The following DPP10 variants were observed in gnomAD, a reference collection of about 807,000 sequenced individuals.
DPP10 encodes the protein dipeptidyl peptidase like 10, also known as inactive dipeptidyl peptidase 10.
Under a neutral mutation model 120.9 loss-of-function variants are expected in DPP10, and 33 were observed. That is an observed-to-expected ratio of 0.27 (90% confidence interval 0.21 to 0.37). The LOEUF is 0.37. DPP10 is among the 10% of genes least tolerant of loss of function. DPP10 has a pLI of 1.00. For synonymous variants in DPP10, 337 were observed against 326.1 expected (o/e 1.03, Z -0.36); for missense variants, 816 against 942.8 (o/e 0.87, Z 1.76).
intron 1 of DPP10, among the ~76,000 whole-genome samples, chr2:114,487,806 G>A (rs11123244): frequency 0.26 from 38,761 of 151,956 alleles, 6,210 homozygotes; most frequent in Admixed American, 0.4. Flanking sequence ...AACAACACCC[G>A]TTATCTTCTA....
At chr2:114,706,505 G>A (rs1700694466) in intron 1 of DPP10, among the ~76,000 whole-genome samples, 1 of 152,106 alleles carries the variant, frequency 6.6e-6, no homozygotes, top group Non-Finnish European at 1.5e-5. Context: ...TTTTTGACTT[G>A]CAGACACATC....
intron 3 of DPP10, among the ~76,000 whole-genome samples, chr2:115,460,614 A>T (rs1018284709): frequency 2.0e-5 from 3 of 152,130 alleles, no homozygotes; most frequent in African/African-American, 7.2e-5. Context: ...AAAATTTGCT[A>T]CTTTGACAGG....
intron 5 of DPP10, among the ~76,000 whole-genome samples, chr2:115,567,233 C>G (rs11891701): frequency 0.098 from 14,838 of 151,848 alleles, 1,096 homozygotes; most frequent in East Asian, 0.24. Context: ...ATATATAATT[C>G]TAAAATTTAA....
chr2:114,593,907 G>A (rs1045571334), intron 1 of DPP10, among the ~76,000 whole-genome samples: 7 of 152,146 alleles, frequency 4.6e-5, no homozygotes, highest in Non-Finnish European at 2.9e-5. Flanking sequence ...GCTGTTTGCT[G>A]CGGTTGTGAT....
At chr2:115,088,739 A>G (rs1319447764) in intron 1 of DPP10, among the ~76,000 whole-genome samples, 1 of 100,882 alleles carries the variant, frequency 9.9e-6, no homozygotes, top group Non-Finnish European at 2.0e-5. Flanking sequence ...GCTGTGAGCC[A>G]CTGTGCCTGA....
rs1250702701 is a variant in DPP10, at chr2:114,990,609, C to A, written c.61-318630C>A. On this transcript the variant is annotated intron_variant, in intron 1 of 25. Coordinates refer to ENST00000410059, the MANE Select transcript of DPP10 (RefSeq NM_020868.6). ...ATACCCCAACAGTTAATGTGATAAC[C>A]TTTTTCTATTAATATCCCTTTCTCC... Among the ~76,000 whole-genome samples, 3 of 151,952 alleles carry A rather than the reference C, an allele frequency of 2.0e-5. No individual in the cohort carries two copies. In the East Asian group the frequency reaches 5.8e-4, roughly 29 times the overall value.
rs1057129388 is a variant in DPP10, at chr2:115,798,392, C to A, written c.1700+7036C>A. On this transcript the variant is annotated intron_variant, in intron 19 of 25. Transcript: ENST00000410059. ...TAAAAATACCAAGATACAGTGTATT[C>A]TTTCTTGGTAATCCCACACATCTCC... Among the ~76,000 whole-genome samples, 6 of 151,988 alleles carry A rather than the reference C, an allele frequency of 3.9e-5. No individual in the cohort carries two copies. The East Asian group carries it at 7.7e-4, about 20-fold the overall frequency.
chr2:114,963,129 C>T lies in DPP10; in HGVS notation c.61-346110C>T, dbSNP rs72834103. 1.6e-3 allele frequency among the ~76,000 whole-genome samples: 243 copies of T among 152,218 alleles called. 2 individuals are homozygous for T. The highest frequency in any genetic ancestry group is 5.4e-3 in the African/African-American group (223 of 41,516). On this transcript the variant is annotated intron_variant, in intron 1 of 25. Coordinates refer to ENST00000410059, the MANE Select transcript of DPP10 (RefSeq NM_020868.6). Reference sequence around the variant, plus strand: ...GATTATCTTTGCATATACTTATACACGAGGACAGTATGGTTTTCTTGAAAA... The same window carrying T: ...GATTATCTTTGCATATACTTATACATGAGGACAGTATGGTTTTCTTGAAAA...
chr2:114,827,774 T>C (rs2106382461), intron 1 of DPP10, among the ~76,000 whole-genome samples: 1 of 152,356 alleles, frequency 6.6e-6, no homozygotes, highest in South Asian at 2.1e-4. Flanking sequence ...CAAGTACAAC[T>C]GAGAATTTTG....
At chr2:115,185,832 A>C (rs1324400615) in intron 1 of DPP10, among the ~76,000 whole-genome samples, 1 of 152,204 alleles carries the variant, frequency 6.6e-6, no homozygotes, top group Non-Finnish European at 1.5e-5. Context: ...ATTTAGAGAT[A>C]ATCACTATAA....
At chr2:114,921,778 G>C (rs1053045010) in intron 1 of DPP10, among the ~76,000 whole-genome samples, 2 of 152,192 alleles carry the variant, frequency 1.3e-5, no homozygotes, top group African/African-American at 4.8e-5. Context: ...TATTATGGCT[G>C]TATCCAAGAT....
intron 5 of DPP10, among the ~76,000 whole-genome samples, chr2:115,552,581 G>C (rs1575159902): frequency 6.6e-6 from 1 of 152,106 alleles, no homozygotes; most frequent in African/African-American, 2.4e-5. Context: ...TTTTGAAGGA[G>C]GTGGAAGATG....
At chr2:114,567,061 C>T (rs1689259732) in intron 1 of DPP10, among the ~76,000 whole-genome samples, 1 of 152,150 alleles carries the variant, frequency 6.6e-6, no homozygotes, top group Non-Finnish European at 1.5e-5. Flanking sequence ...ACTCCAGGCT[C>T]CCTCCTTCCT....
chr2:115,808,221 A>T (rs911388861), intron 19 of DPP10, among the ~76,000 whole-genome samples: 1 of 152,222 alleles, frequency 6.6e-6, no homozygotes, highest in Non-Finnish European at 1.5e-5. Flanking sequence ...GCGAAGATTT[A>T]TTTATGTGAC....
chr2:115,356,357 G>A (rs753927937), intron 3 of DPP10, among the ~76,000 whole-genome samples: 8 of 151,950 alleles, frequency 5.3e-5, no homozygotes, highest in Non-Finnish European at 8.8e-5. Context: ...CCCTCTGCTT[G>A]TCTATTGTTG....
At chr2:115,327,656 G>A (rs1482671919) in intron 2 of DPP10, among the ~76,000 whole-genome samples, 2 of 152,066 alleles carry the variant, frequency 1.3e-5, no homozygotes, top group African/African-American at 4.8e-5. Context: ...GGTGAGTTTA[G>A]CTCATAACTC....
chr2:115,788,608 G>A (rs570563775), intron 17 of DPP10, among the ~76,000 whole-genome samples: 15 of 152,190 alleles, frequency 9.9e-5, no homozygotes, highest in Admixed American at 5.2e-4. Flanking sequence ...AACATTATAC[G>A]TAATTTTTTG....
At chr2:114,456,309 C>A (rs1315184245) in intron 1 of DPP10, among the ~76,000 whole-genome samples, 1 of 152,110 alleles carries the variant, frequency 6.6e-6, no homozygotes, top group African/African-American at 2.4e-5. Flanking sequence ...GAGAGATGGA[C>A]TATTGAGGAG....
intron 1 of DPP10, among the ~76,000 whole-genome samples, chr2:114,479,381 A>G (rs961825792): frequency 2.0e-5 from 3 of 149,564 alleles, no homozygotes; most frequent in Non-Finnish European, 3.0e-5. Flanking sequence ...TGTGGTATTG[A>G]TAGAGAGATA....
Sources: gnomAD v4.1 joint callset for allele counts (sites outside exome capture counted in the v4.1 genomes callset) on GRCh38, gnomAD v4.1.1 for gene constraint, MANE v1.5 for transcripts, NCBI Gene and HGNC (gene_info 2026-07-23, HGNC 2026-07-21) for gene names.